Variants in RALYL observed in about 807,000 individuals in gnomAD.
RALYL encodes RNA-binding Raly-like protein.
RALYL carries 29 observed loss-of-function variants against 35.1 expected under a neutral mutation model. That is an observed-to-expected ratio of 0.83 (90% CI 0.61 to 1.13). RALYL has a LOEUF of 1.13. Among genes scored for constraint, RALYL ranks in the 50% most tolerant of loss-of-function variants. The pLI is 0.00. For missense variants in RALYL, 359 were observed against 360.4 expected, an observed-to-expected ratio of 1.00 and a Z score of 0.03; for synonymous variants, 120 against 127.6, an observed-to-expected ratio of 0.94 and a Z score of 0.40.
At chr8:84,324,027 AAC>A (rs1845347343) in intron 1 of RALYL, among the ~76,000 whole-genome samples, 1 of 152,046 alleles carries the variant, frequency 6.6e-6, no homozygotes, top group African/African-American at 2.4e-5. Context: ...GTGTATGTGA[AAC>A]AATAGAACTG....
At chr8:84,597,202 T>G (rs968043422) in intron 2 of RALYL, among the ~76,000 whole-genome samples, 1 of 152,120 alleles carries the variant, frequency 6.6e-6, no homozygotes, top group Admixed American at 6.6e-5. Flanking sequence ...ATAAGTCCTT[T>G]ATCACCGTGG....
At chr8:84,751,440 A>G (rs1168312500) in intron 2 of RALYL, among the ~76,000 whole-genome samples, 1 of 151,880 alleles carries the variant, frequency 6.6e-6, no homozygotes, top group Non-Finnish European at 1.5e-5. Flanking sequence ...ACTCCTGACC[A>G]TAGGTGATCC....
intron 2 of RALYL, among the ~76,000 whole-genome samples, chr8:84,697,201 AC>A (rs987081485): frequency 1.8e-4 from 27 of 152,176 alleles, no homozygotes; most frequent in African/African-American, 6.5e-4. Context: ...ATTCTTAGAA[AC>A]AAAAATATGC....
At chr8:84,880,683 T>C (rs1211970908) in intron 7 of RALYL, among the ~76,000 whole-genome samples, 1 of 152,042 alleles carries the variant, frequency 6.6e-6, no homozygotes, top group Non-Finnish European at 1.5e-5. Context: ...TAGAATAAAA[T>C]TTACTCATTT....
intron 2 of RALYL, among the ~76,000 whole-genome samples, chr8:84,661,826 T>C (rs915390586): frequency 1.1e-4 from 17 of 152,016 alleles, no homozygotes; most frequent in Non-Finnish European, 4.4e-5. Context: ...TCTTCTTGCC[T>C]CTTTTCTTCC....
intron 1 of RALYL, among the ~76,000 whole-genome samples, chr8:84,276,014 A>G (rs1261755182): frequency 6.6e-6 from 1 of 152,140 alleles, no homozygotes; most frequent in Non-Finnish European, 1.5e-5. Flanking sequence ...AAAACATCAC[A>G]TTGCTTTTTT....
chr8:84,816,453 T>G (rs1230725806), intron 4 of RALYL, among the ~76,000 whole-genome samples: 4 of 152,232 alleles, frequency 2.6e-5, no homozygotes, highest in Non-Finnish European at 4.4e-5. Flanking sequence ...GATGAATTTT[T>G]TCATAAGTAG....
In RALYL at chr8:84,183,849, C is replaced by G. The variant is rs192856221; in HGVS notation, c.-599C>G. 7 of 152,414 alleles carry G rather than the reference C, an allele frequency of 4.6e-5. No individual in the cohort carries two copies. Among genetic ancestry groups the G allele is most frequent in the African/African-American group, 1.7e-4 (7 of 41,368 alleles). 9.4% of individuals were successfully genotyped at this position (152,414 alleles called of 1,614,324 possible). ...CTCCCAAGTCCAGCAAAATGTGCAA[C>G]TGGTTTTATGGAAAAAGCGATGTGA... On this transcript the variant is annotated 5_prime_UTR_variant, in exon 1 of 9. Transcript: ENST00000521268.
chr8:84,356,793 G>T (rs1851921243), intron 1 of RALYL, among the ~76,000 whole-genome samples: 1 of 150,160 alleles, frequency 6.7e-6, no homozygotes, highest in South Asian at 2.1e-4. Context: ...AAGAAAAAAT[G>T]TTATGCTCTC....
chr8:84,597,140 CAAG>C (rs1034173668), intron 2 of RALYL, among the ~76,000 whole-genome samples: 26 of 152,248 alleles, frequency 1.7e-4, no homozygotes, highest in Admixed American at 1.0e-3. Flanking sequence ...CTCACAAAAG[CAAG>C]AAGAACAGGC....
chr8:84,907,922 G>A (rs1846808191), intron 8 of RALYL, among the ~76,000 whole-genome samples: 1 of 152,044 alleles, frequency 6.6e-6, no homozygotes, highest in Middle Eastern at 3.4e-3. Flanking sequence ...GTCCTCTCCT[G>A]TTTCTCTCTC....
intron 1 of RALYL, among the ~76,000 whole-genome samples, chr8:84,327,184 C>T (rs1845958077): frequency 6.6e-6 from 1 of 152,028 alleles, no homozygotes; most frequent in Non-Finnish European, 1.5e-5. Flanking sequence ...ATGATTAACT[C>T]AGTTTGGGGT....
intron 8 of RALYL, among the ~76,000 whole-genome samples, chr8:84,905,681 C>T (rs1346241378): frequency 6.6e-6 from 1 of 150,858 alleles, no homozygotes; most frequent in Non-Finnish European, 1.5e-5. Context: ...TTTTCTGGCA[C>T]TACCATTATA....
At chr8:84,822,404 C>T (rs1255787444) in intron 4 of RALYL, among the ~76,000 whole-genome samples, 1 of 152,102 alleles carries the variant, frequency 6.6e-6, no homozygotes, top group Non-Finnish European at 1.5e-5. Flanking sequence ...GTTTGAAGCT[C>T]TTGTGAAAGG....
chr8:84,910,370 A>G (rs1261786543), intron 8 of RALYL, among the ~76,000 whole-genome samples: 2 of 152,138 alleles, frequency 1.3e-5, no homozygotes, highest in South Asian at 2.1e-4. Flanking sequence ...GTCTTGGGCT[A>G]TAAGATGTTA....
At chr8:84,265,533 A>T (rs1445614041) in intron 1 of RALYL, among the ~76,000 whole-genome samples, 3 of 152,178 alleles carry the variant, frequency 2.0e-5, no homozygotes, top group African/African-American at 7.2e-5. Context: ...GATGGAAGTG[A>T]ATCCTACCAG....
In RALYL at chr8:84,782,031, GCACACACACACA is replaced by G. The variant is rs35098202; in HGVS notation, c.332+7398_332+7409del. ...ATACGTGCATGCTGTGCACACGCGC[GCACACACACACA>G]CACACACACACACACACACAGGTTT... is the stretch of plus-strand genomic sequence containing the variant. On this transcript the variant is annotated intron_variant, in intron 3 of 8. Transcript: ENST00000521268. Among the ~76,000 whole-genome samples, 185 of 148,648 alleles carry G rather than the reference GCACACACACACA, an allele frequency of 1.2e-3. 3 individuals are homozygous for G. Among genetic ancestry groups the G allele is most frequent in the African/African-American group, 4.2e-3 (168 of 40,450 alleles).
chr8:84,377,492 G>A (rs1857175996), intron 1 of RALYL, among the ~76,000 whole-genome samples: 1 of 90,882 alleles, frequency 1.1e-5, no homozygotes, highest in Admixed American at 1.4e-4. Context: ...CTGATCCCAT[G>A]AGATCAGTTT....
intron 1 of RALYL, among the ~76,000 whole-genome samples, chr8:84,335,645 C>T (rs1847638791): frequency 6.6e-6 from 1 of 151,644 alleles, no homozygotes; most frequent in African/African-American, 2.4e-5. Flanking sequence ...AAAAAAAATA[C>T]CATGCCATCA....
Sources: allele counts gnomAD v4.1 joint callset (sites outside exome capture counted in the v4.1 genomes callset), GRCh38; gene constraint gnomAD v4.1.1; transcripts MANE v1.5; gene names NCBI Gene and HGNC (gene_info 2026-07-23, HGNC 2026-07-21).